Variants in TRPC5 observed in about 807,000 individuals in gnomAD.
TRPC5 encodes the protein short transient receptor potential channel 5.
A neutral mutation model predicts 56.5 loss-of-function variants in TRPC5; 9 were observed. That is an observed-to-expected ratio of 0.16 (90% CI 0.10 to 0.28). The LOEUF is 0.28. Among genes scored for constraint, TRPC5 ranks in the 10% least tolerant of loss-of-function variants. The pLI, the probability that TRPC5 is intolerant of heterozygous loss-of-function variation, is 1.00. For synonymous variants in TRPC5, 282 were observed against 278.5 expected (o/e 1.01, Z -0.13); for missense variants, 469 against 748.9 (o/e 0.63, Z 4.36).
At chrX:112,023,691 T>C (rs1929345476) in intron 1 of TRPC5, among the ~76,000 whole-genome samples, 1 of 111,829 alleles carries the variant, frequency 8.9e-6, no homozygotes, top group Non-Finnish European at 1.9e-5. Flanking sequence ...TTATCTGCAA[T>C]TGCCATGAAC....
rs762995855 is a variant in TRPC5, at chrX:112,027,646, G to A, written c.-22+54233C>T. ...TGAGTAGCTGGGACTACAGGCGCCCGCCACCACGCCTGGCTAATTTTTTGT... is the reference window on the plus strand; with the variant it reads ...TGAGTAGCTGGGACTACAGGCGCCCACCACCACGCCTGGCTAATTTTTTGT... On this transcript the variant is annotated intron_variant, in intron 1 of 10. Coordinates refer to ENST00000262839, the MANE Select transcript of TRPC5 (RefSeq NM_012471.3). 3.5e-3 allele frequency among the ~76,000 whole-genome samples: 392 copies of A among 110,819 alleles called. 3 individuals are homozygous for A. Among genetic ancestry groups the A allele is most frequent in the African/African-American group, 0.012 (371 of 30,477 alleles).
chrX:111,998,678 G>C (rs1334550965), intron 1 of TRPC5, among the ~76,000 whole-genome samples: 1 of 111,644 alleles, frequency 9.0e-6, no homozygotes, highest in Admixed American at 9.6e-5. Context: ...TCATGGGTCA[G>C]AAATACAGTA....
intron 1 of TRPC5, among the ~76,000 whole-genome samples, chrX:112,011,234 C>T (rs1241863577): frequency 9.0e-6 from 1 of 111,470 alleles, no homozygotes. Flanking sequence ...AATCTCTTTG[C>T]CTGGTTTTGT....
intron 1 of TRPC5, among the ~76,000 whole-genome samples, chrX:112,015,620 T>C (rs1214370515): frequency 9.0e-6 from 1 of 111,561 alleles, no homozygotes; most frequent in Admixed American, 9.6e-5. Context: ...CGTCATCCGG[T>C]GCCCCTTAAA....
chrX:111,864,202 A>T (rs1272553380), intron 3 of TRPC5, among the ~76,000 whole-genome samples: 4 of 110,309 alleles, frequency 3.6e-5, no homozygotes, highest in Non-Finnish European at 5.7e-5. Flanking sequence ...GTTAGCCAGG[A>T]TGGTCTCGAT....
rs933115551 is a variant in TRPC5, at chrX:111,770,670, T to C, written c.*5643A>G. Among the ~76,000 whole-genome samples, 1 of 111,453 alleles carries C rather than the reference T, an allele frequency of 9.0e-6. No homozygotes were observed. The highest frequency in any genetic ancestry group is 3.3e-5 in the African/African-American group (1 of 30,668). ...CACTATCACCATCTAAGTTTCCCAA[T>C]CCCAGCAAAAATCCAAAGCCTCCTT... On this transcript the variant is annotated 3_prime_UTR_variant, in exon 11 of 11. Transcript: ENST00000262839.
chrX:111,914,512 T>C (rs1023207152), intron 2 of TRPC5, among the ~76,000 whole-genome samples: 7 of 111,920 alleles, frequency 6.3e-5, no homozygotes, highest in African/African-American at 2.3e-4. Context: ...CCAGAAAACA[T>C]ACAGTAGGAG....
intron 5 of TRPC5, among the ~76,000 whole-genome samples, chrX:111,849,298 G>T (rs1923016908): frequency 8.9e-6 from 1 of 112,395 alleles, no homozygotes; most frequent in Admixed American, 9.4e-5. Context: ...TAGATACTTT[G>T]CACCTTTGGA....
intron 2 of TRPC5, among the ~76,000 whole-genome samples, chrX:111,937,829 G>A (rs1235356953): frequency 1.0e-4 from 11 of 106,543 alleles, no homozygotes; most frequent in Non-Finnish European, 2.1e-4. Context: ...GGCCATGCGG[G>A]CTCTTTTTTG....
At chrX:111,815,585 G>A (rs758957946) in intron 7 of TRPC5, among the ~76,000 whole-genome samples, 104 of 110,779 alleles carry the variant, frequency 9.4e-4, no homozygotes, top group Non-Finnish European at 1.6e-3. Context: ...GCCAGGCATG[G>A]TGGCACGCGC....
chrX:111,990,994 C>G (rs994820457), intron 1 of TRPC5, among the ~76,000 whole-genome samples: 1 of 112,076 alleles, frequency 8.9e-6, no homozygotes, highest in Non-Finnish European at 1.9e-5. Flanking sequence ...TTAAAAGACC[C>G]AGACATCCGA....
chrX:111,790,891 C>T (rs1354263882), intron 7 of TRPC5, among the ~76,000 whole-genome samples: 6 of 108,202 alleles, frequency 5.5e-5, no homozygotes, highest in African/African-American at 1.3e-4. Flanking sequence ...TATGGTGGCT[C>T]GCACCTGTAA....
At chrX:111,968,230 A>T (rs1485258202) in intron 1 of TRPC5, among the ~76,000 whole-genome samples, 1 of 111,632 alleles carries the variant, frequency 9.0e-6, no homozygotes, top group South Asian at 3.7e-4. Flanking sequence ...AAAAATGCTC[A>T]TCATCACTGG....
chrX:112,031,631 GATA>G (rs200441659), intron 1 of TRPC5, among the ~76,000 whole-genome samples: 1,148 of 109,534 alleles, frequency 0.01, 14 homozygotes, highest in African/African-American at 0.036. Context: ...TATGGATATA[GATA>G]ATATTATCAT....
intron 2 of TRPC5, among the ~76,000 whole-genome samples, chrX:111,930,461 C>T (rs1926378376): frequency 1.8e-5 from 2 of 110,332 alleles, no homozygotes; most frequent in Middle Eastern, 4.7e-3. Context: ...ATTAGCTGGG[C>T]GTGGTGGTGC....
intron 1 of TRPC5, among the ~76,000 whole-genome samples, chrX:111,964,165 T>C (rs1443633581): frequency 8.9e-6 from 1 of 111,781 alleles, no homozygotes; most frequent in Non-Finnish European, 1.9e-5. Context: ...GCTCGAGAAC[T>C]ACGTGAAGAA....
intron 2 of TRPC5, among the ~76,000 whole-genome samples, chrX:111,935,983 T>C (rs1317524087): frequency 8.9e-6 from 1 of 111,937 alleles, no homozygotes; most frequent in Non-Finnish European, 1.9e-5. Context: ...ATTTTAGGAT[T>C]TTTTTCCTAT....
chrX:111,918,817 A>G (rs1381834635), intron 2 of TRPC5, among the ~76,000 whole-genome samples: 1 of 111,354 alleles, frequency 9.0e-6, no homozygotes, highest in African/African-American at 3.3e-5. Context: ...GCAGTGCTGA[A>G]TGGTGACCAG....
chrX:111,995,106 A>G (rs1219524618), intron 1 of TRPC5, among the ~76,000 whole-genome samples: 1 of 111,761 alleles, frequency 8.9e-6, no homozygotes, highest in South Asian at 3.8e-4. Context: ...TGAGTTTGTC[A>G]TAAATAGCTC....
Sources: allele counts gnomAD v4.1 joint callset (sites outside exome capture counted in the v4.1 genomes callset), GRCh38; gene constraint gnomAD v4.1.1; transcripts MANE v1.5; gene names NCBI Gene and HGNC (gene_info 2026-07-23, HGNC 2026-07-21).